LAMP3: variants seen among roughly 807,000 people sequenced by gnomAD.
LAMP3 encodes lysosome-associated membrane glycoprotein 3.
Under a neutral mutation model 34.8 loss-of-function variants are expected in LAMP3, and 26 were observed. The ratio of observed to expected loss-of-function variants is 0.75; its 90% confidence interval spans 0.55 to 1.04. LAMP3 has a LOEUF of 1.04. Ranked by LOEUF, LAMP3 falls within the 50% of genes least tolerant of loss-of-function variation. The pLI is 0.00. For synonymous variants in LAMP3, 180 were observed against 201.9 expected (o/e 0.89, Z 0.92); for missense variants, 495 against 524.0 (o/e 0.94, Z 0.54).
chr3:183,149,985 C>T (rs573419917), intron 3 of LAMP3, among the ~76,000 whole-genome samples: 5 of 152,228 alleles, frequency 3.3e-5, no homozygotes, highest in South Asian at 2.1e-4. Flanking sequence ...TACCTCCCGG[C>T]GAAGGTCAGC....
At chr3:183,140,151 A>G (rs1720229291) in intron 4 of LAMP3, among the ~76,000 whole-genome samples, 1 of 152,148 alleles carries the variant, frequency 6.6e-6, no homozygotes, top group African/African-American at 2.4e-5. Flanking sequence ...TCACGCCTGT[A>G]ATCCCAGCAC....
upstream of LAMP3, chr3:183,162,859 G>A (rs1721021228): frequency 1.9e-6 from 1 of 530,304 alleles, no homozygotes; most frequent in Non-Finnish European, 3.2e-6. Flanking sequence ...GCGGGGACTC[G>A]GCGCAGCCGC....
chr3:183,150,860 T>C (rs1338949331), intron 3 of LAMP3, among the ~76,000 whole-genome samples: 1 of 152,172 alleles, frequency 6.6e-6, no homozygotes, highest in Non-Finnish European at 1.5e-5. Flanking sequence ...GTCATCTCTA[T>C]AGTTTAACTT....
chr3:183,146,803 C>G (rs1720456458), intron 3 of LAMP3, among the ~76,000 whole-genome samples: 1 of 151,584 alleles, frequency 6.6e-6, no homozygotes, highest in Non-Finnish European at 1.5e-5. Context: ...GCTGGGATTA[C>G]AGGTGTGAGC....
At chr3:183,152,085 C>T (rs907108161) in intron 3 of LAMP3, among the ~76,000 whole-genome samples, 1 of 152,190 alleles carries the variant, frequency 6.6e-6, no homozygotes, top group African/African-American at 2.4e-5. Flanking sequence ...TATTCATCTG[C>T]ACAACTTCCT....
rs1361260202 is a variant in LAMP3, at chr3:183,161,625, G to A, written c.49+982C>T. ...GCTAGTCTCGAACTCCTGACCTCAA[G>A]TGATCCGCCGGCCTCAGCCTCCCAA... On this transcript the variant is annotated intron_variant, in intron 1 of 5. Transcript: ENST00000265598. 2.0e-5 allele frequency among the ~76,000 whole-genome samples: 3 copies of A among 152,218 alleles called. 1 individual carries two copies. The South Asian group carries it at 6.2e-4, about 32-fold the overall frequency.
intron 3 of LAMP3, among the ~76,000 whole-genome samples, chr3:183,150,114 C>T (rs867562534): frequency 6.6e-6 from 1 of 152,274 alleles, no homozygotes; most frequent in South Asian, 2.1e-4. Flanking sequence ...CACTTTGCCC[C>T]TTCCTGAAGC....
intron 5 of LAMP3, among the ~76,000 whole-genome samples, chr3:183,124,911 T>A (rs1319660474): frequency 6.6e-6 from 1 of 152,326 alleles, no homozygotes; most frequent in South Asian, 2.1e-4. Context: ...AGAAACATGA[T>A]TTTTATCCAC....
At chr3:183,162,831 C>G, upstream of LAMP3, 1 of 598,624 alleles carries the variant, frequency 1.7e-6, no homozygotes. Context: ...CCCTCCTACC[C>G]CTACGGAGCA....
intron 5 of LAMP3, among the ~76,000 whole-genome samples, chr3:183,129,392 A>G (rs541237184): frequency 3.9e-5 from 6 of 152,208 alleles, no homozygotes; most frequent in East Asian, 1.9e-4. Context: ...TTTGAGGTCT[A>G]TACGTCAGAG....
chr3:183,128,879 C>T (rs1483862319), intron 5 of LAMP3, among the ~76,000 whole-genome samples: 1 of 152,074 alleles, frequency 6.6e-6, no homozygotes, highest in Non-Finnish European at 1.5e-5. Flanking sequence ...TGTTTATTTC[C>T]TTGTTTATAT....
chr3:183,136,336 T>G (rs538066367), intron 4 of LAMP3, among the ~76,000 whole-genome samples: 1 of 152,156 alleles, frequency 6.6e-6, no homozygotes, highest in Non-Finnish European at 1.5e-5. Flanking sequence ...CCAGGCTGAA[T>G]GTATTAGATG....
intron 5 of LAMP3, chr3:183,131,780 C>T (rs1719931730): frequency 2.6e-6 from 1 of 378,282 alleles, no homozygotes; most frequent in Non-Finnish European, 3.6e-6. Flanking sequence ...AGAAAACTTC[C>T]AGTCAGTAGA....
intron 1 of LAMP3, among the ~76,000 whole-genome samples, chr3:183,159,489 C>T (rs895258482): frequency 6.6e-6 from 1 of 152,182 alleles, no homozygotes; most frequent in Non-Finnish European, 1.5e-5. Flanking sequence ...CTGAGGAGCA[C>T]AGTCAGGGAG....
At chr3:183,140,681 G>T (rs1720256576) in intron 3 of LAMP3, 86 bp from the exon 4 acceptor site, 1 of 884,688 alleles carries the variant, frequency 1.1e-6, no homozygotes, top group Non-Finnish European at 1.9e-6. Flanking sequence ...TAAGATTCCA[G>T]CTATTAAATC....
chr3:183,127,886 C>CT (rs2108594687), intron 5 of LAMP3, among the ~76,000 whole-genome samples: 1 of 152,212 alleles, frequency 6.6e-6, no homozygotes, highest in East Asian at 1.9e-4. Context: ...AATCCCAGCA[C>CT]TTTGGGAGGC....
intron 1 of LAMP3, 51 bp from the exon 2 acceptor site, chr3:183,154,442 G>C: frequency 7.3e-7 from 1 of 1,378,764 alleles, no homozygotes; most frequent in Non-Finnish European, 1.0e-6. Flanking sequence ...TTGCTTACAA[G>C]GTTCCCTCTC....
intron 5 of LAMP3, among the ~76,000 whole-genome samples, chr3:183,126,591 C>T (rs561797295): frequency 5.9e-5 from 9 of 151,536 alleles, no homozygotes; most frequent in Non-Finnish European, 1.0e-4. Context: ...TGCAAACTCA[C>T]GTGCATGCTT....
In LAMP3 at chr3:183,135,777, C is replaced by A; in HGVS notation, c.1057G>T (p.Val353Leu). 6.2e-7 allele frequency: 1 copy of A among 1,614,172 alleles called. No individual in the cohort carries two copies. Among genetic ancestry groups the A allele is most frequent in the Non-Finnish European group, 8.5e-7 (1 of 1,180,012 alleles). The change falls in exon 5 of 6, where the codon GTG becomes TTG. Residue 353 changes from valine (V) to leucine (L), a missense_variant. By Grantham distance (32) the Val-to-Leu change is conservative. Coordinates refer to ENST00000265598, the MANE Select transcript of LAMP3 (RefSeq NM_014398.4). ...TGAAGTTGGACATCGGTTGTTTTCA[C>A]CTGCAGGTGGGCTGACAACTGGAGG... ...QSLQLSAHLQVKTTDVQLQAF... is the reference protein window; with the variant it reads ...QSLQLSAHLQLKTTDVQLQAF...
Sources: allele counts gnomAD v4.1 joint callset (sites outside exome capture counted in the v4.1 genomes callset), GRCh38; gene constraint gnomAD v4.1.1; transcripts MANE v1.5; gene names NCBI Gene and HGNC (gene_info 2026-07-23, HGNC 2026-07-21).